The following LRRC49 variants were observed in gnomAD, a reference collection of about 807,000 sequenced individuals.
LRRC49 encodes the protein leucine-rich repeat-containing protein 49.
LRRC49 carries 50 observed loss-of-function variants against 83.3 expected under a neutral mutation model. The ratio of observed to expected loss-of-function variants is 0.60; its 90% CI spans 0.48 to 0.76. LRRC49 has a LOEUF of 0.76. LRRC49 is among the 30% of genes least tolerant of loss of function. The pLI is 0.00. For missense variants in LRRC49, 704 were observed against 809.1 expected (o/e 0.87, Z 1.58); for synonymous variants, 286 against 283.3 (o/e 1.01, Z -0.10).
intron 14 of LRRC49, among the ~76,000 whole-genome samples, chr15:71,034,138 C>T (rs186900134): frequency 2.4e-4 from 37 of 152,208 alleles, no homozygotes; most frequent in Non-Finnish European, 2.6e-4. Context: ...AGCTACCCAT[C>T]TGACAAAGGC....
chr15:70,920,855 G>T (rs2034980676), intron 7 of LRRC49, among the ~76,000 whole-genome samples: 1 of 152,018 alleles, frequency 6.6e-6, no homozygotes, highest in Non-Finnish European at 1.5e-5. Context: ...GAAATATATG[G>T]ACAAATAAAC....
chr15:70,966,053 T>C (rs765658682), intron 9 of LRRC49, among the ~76,000 whole-genome samples: 1 of 152,166 alleles, frequency 6.6e-6, no homozygotes, highest in Admixed American at 6.6e-5. Context: ...AGTCAAGTAG[T>C]TGCTATGGAT....
chr15:71,013,483 T>C (rs572900239), intron 14 of LRRC49, among the ~76,000 whole-genome samples: 47 of 152,276 alleles, frequency 3.1e-4, no homozygotes, highest in African/African-American at 1.1e-3. Flanking sequence ...ATTTACATTG[T>C]AGAAAGGCTG....
intron 9 of LRRC49, among the ~76,000 whole-genome samples, chr15:70,967,060 C>T (rs764519582): frequency 2.0e-5 from 3 of 152,012 alleles, no homozygotes; most frequent in Non-Finnish European, 2.9e-5. Context: ...ATAATTGACT[C>T]AAGACTTTAA....
chr15:71,004,201 A>G (rs577880508), intron 11 of LRRC49, among the ~76,000 whole-genome samples: 26 of 152,284 alleles, frequency 1.7e-4, no homozygotes, highest in South Asian at 8.3e-4. Flanking sequence ...CCATGTTTCA[A>G]TGTTCCTGCC....
chr15:71,013,208 T>G (rs529539480), intron 14 of LRRC49, among the ~76,000 whole-genome samples: 4 of 152,292 alleles, frequency 2.6e-5, no homozygotes, highest in African/African-American at 9.6e-5. Context: ...TGGGGAAGGC[T>G]TCACAAAGGA....
intron 14 of LRRC49, among the ~76,000 whole-genome samples, chr15:71,029,997 T>G (rs1477988891): frequency 2.0e-5 from 3 of 152,234 alleles, no homozygotes; most frequent in Non-Finnish European, 4.4e-5. Context: ...ATTATTTTAA[T>G]TGGGGCATTT....
rs369927188 is a variant in LRRC49 at position 71,049,401 on chromosome 15, T to C, written c.1858-8T>C. The C allele has an allele frequency of 2.4e-4, 376 of 1,541,562 alleles. 2 individuals carry two copies. The African/African-American group carries it at 4.8e-3, about 20-fold the overall frequency. On this transcript the variant is annotated splice_polypyrimidine_tract_variant and splice_region_variant and intron_variant, in intron 15 of 15. Transcript: ENST00000260382. The stretch of plus-strand genomic sequence containing the variant: ...ATTTAATACAAAACTTTCTCTTTTT[T>C]TTAACAGGAAATAAAGGAAAAGAAG...
chr15:70,989,494 C>A (rs904453067), intron 11 of LRRC49, among the ~76,000 whole-genome samples: 42 of 152,286 alleles, frequency 2.8e-4, no homozygotes, highest in African/African-American at 7.5e-4. Context: ...CAGCTCCTTT[C>A]AGCACTTCTC....
At chr15:71,038,443 CAG>C (rs766251733) in intron 15 of LRRC49, among the ~76,000 whole-genome samples, 5 of 152,042 alleles carry the variant, frequency 3.3e-5, no homozygotes, top group Non-Finnish European at 7.4e-5. Context: ...GTAGGAAATT[CAG>C]AGTTTCATTT....
At chr15:70,859,144 C>T (rs2032724733) in intron 1 of LRRC49, 2 of 1,379,798 alleles carry the variant, frequency 1.4e-6, no homozygotes, top group Admixed American at 1.7e-5. Flanking sequence ...AGAGCTATAT[C>T]AACAACCTTA....
chr15:70,887,637 T>C (rs548579784), upstream of LRRC49, among the ~76,000 whole-genome samples: 7 of 152,254 alleles, frequency 4.6e-5, no homozygotes, highest in Admixed American at 4.6e-4. Flanking sequence ...ATAGTAAAAA[T>C]CATAATCAAA....
intron 14 of LRRC49, among the ~76,000 whole-genome samples, chr15:71,020,572 C>T (rs1185988818): frequency 6.6e-6 from 1 of 152,036 alleles, no homozygotes; most frequent in Non-Finnish European, 1.5e-5. Flanking sequence ...TAAAAACAAC[C>T]AGGAAAAGAG....
At chr15:70,967,066 T>A (rs897082841) in intron 9 of LRRC49, among the ~76,000 whole-genome samples, 2 of 151,960 alleles carry the variant, frequency 1.3e-5, no homozygotes, top group Non-Finnish European at 2.9e-5. Context: ...GACTCAAGAC[T>A]TTAAGGGTGG....
At chr15:70,973,191 T>C (rs1414807915) in intron 9 of LRRC49, among the ~76,000 whole-genome samples, 1 of 152,196 alleles carries the variant, frequency 6.6e-6, no homozygotes, top group African/African-American at 2.4e-5. Context: ...TTTTTGTTGA[T>C]GTTGATGCTA....
At chr15:70,888,820 G>C (rs986741176), upstream of LRRC49, among the ~76,000 whole-genome samples, 1 of 152,138 alleles carries the variant, frequency 6.6e-6, no homozygotes, top group African/African-American at 2.4e-5. Context: ...GTCACTGAAG[G>C]CTACCTAAAT....
intron 9 of LRRC49, 69 bp downstream of exon 9, chr15:70,964,001 T>G: frequency 6.8e-7 from 1 of 1,463,344 alleles, no homozygotes; most frequent in East Asian, 2.3e-5. Context: ...GGGATGCATA[T>G]TCTTTGCTTG....
chr15:70,920,399 A>G (rs757627780), intron 7 of LRRC49, among the ~76,000 whole-genome samples: 2 of 152,210 alleles, frequency 1.3e-5, no homozygotes, highest in African/African-American at 2.4e-5. Flanking sequence ...AATTCTGTCA[A>G]GCCCTTCCCA....
intron 9 of LRRC49, among the ~76,000 whole-genome samples, chr15:70,968,241 G>A (rs1049147479): frequency 6.6e-6 from 1 of 151,986 alleles, no homozygotes; most frequent in Non-Finnish European, 1.5e-5. Flanking sequence ...GCAGTGCTTG[G>A]TTTTCTGTCC....
Sources: allele counts gnomAD v4.1 joint callset (sites outside exome capture counted in the v4.1 genomes callset), GRCh38; gene constraint gnomAD v4.1.1; transcripts MANE v1.5; gene names NCBI Gene and HGNC (gene_info 2026-07-23, HGNC 2026-07-21).